The following RAD9B variants were observed in gnomAD, a reference collection of about 807,000 sequenced individuals.
RAD9B encodes the protein cell cycle checkpoint control protein RAD9B.
A neutral mutation model predicts 48.3 loss-of-function variants in RAD9B; 41 were observed. The ratio of observed to expected loss-of-function variants is 0.85; its 90% confidence interval spans 0.66 to 1.10. RAD9B has a LOEUF of 1.10. Among genes scored for constraint, RAD9B ranks in the 50% least tolerant of loss-of-function variants. The pLI, the probability that RAD9B is intolerant of heterozygous loss-of-function variation, is 0.00. For missense variants in RAD9B, 444 were observed against 485.1 expected (o/e 0.92, Z 0.80); for synonymous variants, 160 against 157.9 (o/e 1.01, Z -0.10).
intron 6 of RAD9B, among the ~76,000 whole-genome samples, chr12:110,518,305 G>T (rs2063672156): frequency 6.6e-6 from 1 of 152,168 alleles, no homozygotes; most frequent in Non-Finnish European, 1.5e-5. Flanking sequence ...CAAGGCTGCA[G>T]TGAGCTGTGA....
intron 6 of RAD9B, among the ~76,000 whole-genome samples, chr12:110,518,188 C>T (rs572443660): frequency 6.8e-6 from 1 of 146,086 alleles, no homozygotes; most frequent in Admixed American, 6.9e-5. Context: ...GAGACTCCGT[C>T]TCAAAAGAAA....
chr12:110,513,694 ATT>A (rs1183920465), intron 5 of RAD9B, among the ~76,000 whole-genome samples: 26 of 2,172 alleles, frequency 0.012, no homozygotes, highest in Middle Eastern at 0.17. Flanking sequence ...TTGTTTTTAT[ATT>A]ATTATTATTA....
chr12:110,527,176 C>G (rs188856648), intron 10 of RAD9B, among the ~76,000 whole-genome samples: 23 of 152,254 alleles, frequency 1.5e-4, no homozygotes, highest in Admixed American at 5.2e-4. Context: ...CACTTCCATT[C>G]TTTGCTTTGT....
intron 4 of RAD9B, among the ~76,000 whole-genome samples, chr12:110,510,712 A>C (rs567280409): frequency 6.6e-6 from 1 of 152,298 alleles, no homozygotes; most frequent in South Asian, 2.1e-4. Context: ...ATAGGTTCAT[A>C]CTCATTATTG....
At position 110,505,651 on chromosome 12, in the gene RAD9B, C is replaced by T. The variant is rs768710434; in HGVS notation, c.152C>T (p.Ala51Val). ...ALRCVNSSRS[A>V]YGCVLFSPVF... is the part of the protein sequence containing the mutation. ...AGATGTGTGAATTCTTCTCGGTCAGCATATGGATGTGTCCTGTTCTCTCCT... is the reference window on the plus strand; with the variant it reads ...AGATGTGTGAATTCTTCTCGGTCAGTATATGGATGTGTCCTGTTCTCTCCT... The change falls in exon 3 of 11, where the codon GCA (alanine) becomes GTA (valine). Residue 51 changes from alanine to valine, a missense_variant. Ala to Val is a moderately conservative substitution (Grantham distance 64). Transcript: ENST00000409300. 6.4e-7 allele frequency: 1 copy of T among 1,572,354 alleles called. No homozygotes were observed. Among genetic ancestry groups the T allele is most frequent in the Non-Finnish European group, 8.6e-7 (1 of 1,157,356 alleles).
chr12:110,519,642 G>C (rs1311617139), intron 8 of RAD9B, among the ~76,000 whole-genome samples, 152 bp from the exon 9 acceptor site: 6 of 151,938 alleles, frequency 3.9e-5, no homozygotes, highest in African/African-American at 1.5e-4. Context: ...CTTCATGTTG[G>C]TCAGGCTGGT....
At chr12:110,515,368 T>G (rs964043319) in intron 6 of RAD9B, among the ~76,000 whole-genome samples, 2 of 152,080 alleles carry the variant, frequency 1.3e-5, no homozygotes, top group Non-Finnish European at 2.9e-5. Context: ...GTTTTAAAAC[T>G]AGGAGAATGG....
chr12:110,518,778 TGAAG>T lies in RAD9B; in HGVS notation c.700_702+1del, dbSNP rs1301306092. ...GAGATAACATTTTGTTTCAAAGAAT[TGAAG>T]GTAAATAAAGATTTGTATCAATTTA... On this transcript the variant is annotated frameshift_variant and splice_region_variant, in exon 7 of 11. Transcript: ENST00000409300. LOFTEE classifies it high-confidence loss of function. 1 of 1,593,518 alleles carries T rather than the reference TGAAG, an allele frequency of 6.3e-7. No homozygotes were observed. The highest frequency in any genetic ancestry group is 1.3e-5 in the African/African-American group (1 of 74,236).
At position 110,503,881 on chromosome 12, in the gene RAD9B, G is replaced by A. The variant is rs758051510; in HGVS notation, c.117+5G>A. ...CTAGACCCATCTAAAAAAGGTGTAAGTAAGAAAGTTAACAGATCACGTATC... is the reference window on the plus strand; with the variant it reads ...CTAGACCCATCTAAAAAAGGTGTAAATAAGAAAGTTAACAGATCACGTATC... On this transcript the variant is annotated splice_donor_5th_base_variant and intron_variant, in intron 2 of 10. Coordinates refer to ENST00000409300, the MANE Select transcript of RAD9B (RefSeq NM_001286535.2). The A allele has an allele frequency of 5.2e-6, 8 of 1,543,986 alleles. No homozygotes were observed. The Admixed American group carries it at 1.7e-4, about 33-fold the overall frequency.
chr12:110,505,583 C>G, intron 2 of RAD9B, 34 bp from the exon 3 acceptor site: 1 of 1,505,526 alleles, frequency 6.6e-7, no homozygotes, highest in Non-Finnish European at 8.9e-7. Context: ...CCATGCGCAA[C>G]CTCTCCTAAA....
At chr12:110,506,160 A>G (rs1239583156) in intron 3 of RAD9B, among the ~76,000 whole-genome samples, 1 of 150,852 alleles carries the variant, frequency 6.6e-6, no homozygotes, top group Non-Finnish European at 1.5e-5. Context: ...TGCTGGGATT[A>G]CAGGCGTGAG....
At position 110,532,636 on chromosome 12, in the gene RAD9B, G is replaced by T. The variant is rs2064169347; in HGVS notation, c.*1983G>T. Among the ~76,000 whole-genome samples, 2 of 152,224 alleles carry T rather than the reference G, an allele frequency of 1.3e-5. No homozygotes were observed. The highest frequency in any genetic ancestry group is 2.1e-4 in the South Asian group (1 of 4,834). ...GCTGCATAACAACGTTTTGGTCAAC[G>T]ATGGACTGCACAGACAGTGGTGGTC... On this transcript the variant is annotated 3_prime_UTR_variant, in exon 11 of 11. Coordinates refer to ENST00000409300, the MANE Select transcript of RAD9B (RefSeq NM_001286535.2).
At chr12:110,520,456 C>T (rs2063739990) in intron 9 of RAD9B, among the ~76,000 whole-genome samples, 1 of 151,778 alleles carries the variant, frequency 6.6e-6, no homozygotes, top group Non-Finnish European at 1.5e-5. Context: ...AAGCCATCCA[C>T]CTGCCTCAGC....
Position 110,503,864 on chromosome 12 carries a change from A to C in RAD9B, c.105A>C (p.Pro35=). The change falls in exon 2 of 11, where the codon CCA becomes CCC. Residue 35 remains proline, a synonymous_variant. Coordinates refer to ENST00000409300, the MANE Select transcript of RAD9B (RefSeq NM_001286535.2). ...TTAGTGACGAGTTCTGGCTAGACCC[A>C]TCTAAAAAAGGTGTAAGTAAGAAAG... is the stretch of plus-strand genomic sequence containing the variant. The part of the protein sequence containing the change: ...SRISDEFWLD[P]SKKGLALRCV... 1 of 1,566,482 alleles carries C rather than the reference A, an allele frequency of 6.4e-7. No individual in the cohort carries two copies. Among genetic ancestry groups the C allele is most frequent in the Non-Finnish European group, 8.6e-7 (1 of 1,160,366 alleles).
Position 110,530,832 on chromosome 12 carries a change from G to C in RAD9B, c.*179G>C. The C allele has an allele frequency of 1.0e-5, 14 of 1,387,610 alleles. No homozygotes were observed. The highest frequency in any genetic ancestry group is 1.3e-5 in the Non-Finnish European group (14 of 1,070,604). 86.0% of individuals were successfully genotyped at this position (1,387,610 alleles called of 1,614,324 possible). ...ATATCTAGAAATAGCTGTTTGTCAA[G>C]TGTATGTAACTTGCTTTAAATCCAT... On this transcript the variant is annotated 3_prime_UTR_variant, in exon 11 of 11. Coordinates refer to ENST00000409300, the MANE Select transcript of RAD9B (RefSeq NM_001286535.2).
intron 6 of RAD9B, among the ~76,000 whole-genome samples, chr12:110,516,437 C>T (rs1429301945): frequency 6.6e-6 from 1 of 152,084 alleles, no homozygotes; most frequent in Admixed American, 6.6e-5. Context: ...TAAACTTCTT[C>T]TATGCTAGTA....
chr12:110,515,388 C>T (rs1421047067), intron 6 of RAD9B, among the ~76,000 whole-genome samples: 3 of 152,080 alleles, frequency 2.0e-5, no homozygotes, highest in Non-Finnish European at 4.4e-5. Context: ...GGGCCAGGTG[C>T]TGTGGCTCAC....
rs1196057571 is a variant in RAD9B, at chr12:110,530,679, C to G, written c.*26C>G. ...TGCTTAATGATGGCTGAGCTGGGCC[C>G]CAGCCCAGTGACTGGCTCATTTGCC... On this transcript the variant is annotated 3_prime_UTR_variant, in exon 11 of 11. Coordinates refer to ENST00000409300, the MANE Select transcript of RAD9B (RefSeq NM_001286535.2). 6.2e-7 allele frequency: 1 copy of G among 1,612,602 alleles called. No individual in the cohort carries two copies. Among genetic ancestry groups the G allele is most frequent in the Non-Finnish European group, 8.5e-7 (1 of 1,179,052 alleles).
chr12:110,526,133 G>A (rs2063930367), intron 10 of RAD9B, among the ~76,000 whole-genome samples: 1 of 152,218 alleles, frequency 6.6e-6, no homozygotes. Flanking sequence ...ACCCCGCCTG[G>A]CCTGCTGTGG....
Sources: allele counts gnomAD v4.1 joint callset (sites outside exome capture counted in the v4.1 genomes callset), GRCh38; gene constraint gnomAD v4.1.1; transcripts MANE v1.5; gene names NCBI Gene and HGNC (gene_info 2026-07-23, HGNC 2026-07-21).